The following SMC6 variants were observed in gnomAD, a reference collection of about 807,000 sequenced individuals.
SMC6 encodes structural maintenance of chromosomes 6, also known as structural maintenance of chromosomes protein 6.
SMC6 carries 79 observed loss-of-function variants against 142.2 expected under a neutral mutation model. The observed-to-expected ratio is 0.56, with a 90% confidence interval of 0.46 to 0.67. The LOEUF is 0.67. Ranked by LOEUF, SMC6 falls within the 30% of genes least tolerant of loss-of-function variation. The pLI, the probability that SMC6 is intolerant of heterozygous loss-of-function variation, is 0.00. For synonymous variants in SMC6, 411 were observed against 412.4 expected, an observed-to-expected ratio of 1.00 and a Z score of 0.04; for missense variants, 1,072 against 1,284.0, an observed-to-expected ratio of 0.83 and a Z score of 2.52.
chr2:17,678,578 G>T (rs989694848), intron 25 of SMC6, among the ~76,000 whole-genome samples: 39 of 149,764 alleles, frequency 2.6e-4, no homozygotes, highest in African/African-American at 9.4e-4. Context: ...GACCAGCTTG[G>T]GCAACATAGT....
At chr2:17,714,824 G>T in intron 16 of SMC6, 37 bp downstream of exon 16, 1 of 1,594,454 alleles carries the variant, frequency 6.3e-7, no homozygotes. Flanking sequence ...ATATGATTAA[G>T]CAAAGCCAGA....
rs531426924 is a variant in SMC6, at chr2:17,678,817, A to T, written c.2910+42T>A. 2.8e-4 allele frequency: 381 copies of T among 1,368,690 alleles called. 7 individuals are homozygous for T. The South Asian group carries it at 4.6e-3, about 17-fold the overall frequency. 84.8% of individuals were successfully genotyped at this position (1,368,690 alleles called of 1,614,324 possible). A position where few individuals can be genotyped will look rare whatever the true frequency, so the allele number is the denominator to read the frequency against. Reference sequence around the variant, plus strand: ...AAAATAGAAAAGAAAAGAAACAACTAGTTTTTCTAATGATTAGGATGAAAA... The same window carrying T: ...AAAATAGAAAAGAAAAGAAACAACTTGTTTTTCTAATGATTAGGATGAAAA... On this transcript the variant is annotated intron_variant, in intron 25 of 27. Transcript: ENST00000448223.
At chr2:17,735,563 G>T (rs539073063) in intron 5 of SMC6, among the ~76,000 whole-genome samples, 1 of 152,294 alleles carries the variant, frequency 6.6e-6, no homozygotes, top group East Asian at 1.9e-4. Flanking sequence ...TCAAAAATTA[G>T]ACTACTGCAA....
intron 3 of SMC6, 37 bp from the exon 4 acceptor site, chr2:17,741,766 T>TAATTCACTC (rs1349455310): frequency 7.3e-7 from 1 of 1,371,280 alleles, no homozygotes; most frequent in African/African-American, 1.4e-5. Context: ...ATGGTCAATC[T>TAATTCACTC]AATTCACTCA....
chr2:17,724,806 T>C (rs1226642800), intron 9 of SMC6, among the ~76,000 whole-genome samples: 1 of 152,240 alleles, frequency 6.6e-6, no homozygotes, highest in Admixed American at 6.5e-5. Context: ...ACTAGAGTTA[T>C]AATTACTATG....
chr2:17,736,732 G>A (rs887498294), intron 5 of SMC6, among the ~76,000 whole-genome samples: 6 of 151,614 alleles, frequency 4.0e-5, no homozygotes, highest in Admixed American at 6.6e-5. Context: ...AAATTAGCCA[G>A]GCGTTGTGGC....
chr2:17,748,581 G>A (rs1670866533), intron 2 of SMC6, among the ~76,000 whole-genome samples: 1 of 152,050 alleles, frequency 6.6e-6, no homozygotes, highest in Non-Finnish European at 1.5e-5. Flanking sequence ...TATTTAATAA[G>A]AATCAACATA....
intron 23 of SMC6, among the ~76,000 whole-genome samples, chr2:17,685,242 A>G (rs958330768): frequency 6.6e-6 from 1 of 152,160 alleles, no homozygotes; most frequent in East Asian, 1.9e-4. Context: ...ATTTTAAAGT[A>G]AAATTCAACA....
chr2:17,742,620 T>C (rs1399365217), intron 3 of SMC6, among the ~76,000 whole-genome samples: 3 of 151,962 alleles, frequency 2.0e-5, no homozygotes, highest in Non-Finnish European at 4.4e-5. Context: ...ATTTTAAAGA[T>C]TTCTTTAAAA....
At chr2:17,701,460 T>A (rs1668269459) in intron 20 of SMC6, among the ~76,000 whole-genome samples, 1 of 152,154 alleles carries the variant, frequency 6.6e-6, no homozygotes, top group African/African-American at 2.4e-5. Flanking sequence ...TAAAAGATGA[T>A]CCTGACATCT....
chr2:17,692,986 C>A (rs1283823334), intron 23 of SMC6, among the ~76,000 whole-genome samples: 2 of 152,162 alleles, frequency 1.3e-5, no homozygotes, highest in Non-Finnish European at 2.9e-5. Context: ...CAGAGAAATG[C>A]AAATCAAAAC....
At chr2:17,676,543 A>G (rs976642471) in intron 25 of SMC6, among the ~76,000 whole-genome samples, 12 of 152,082 alleles carry the variant, frequency 7.9e-5, no homozygotes, top group Non-Finnish European at 1.2e-4. Flanking sequence ...TTGCATTTCT[A>G]TATGAATTTT....
intron 3 of SMC6, among the ~76,000 whole-genome samples, chr2:17,745,552 A>G (rs1264306739): frequency 6.6e-6 from 1 of 151,976 alleles, no homozygotes; most frequent in Non-Finnish European, 1.5e-5. Context: ...TTTATTCCCG[A>G]TATTGGTAAT....
chr2:17,708,699 A>C lies in SMC6; in HGVS notation c.1785T>G (p.Asn595Lys). 6.4e-7 allele frequency: 1 copy of C among 1,564,574 alleles called. No homozygotes were observed. The highest frequency in any genetic ancestry group is 2.4e-5 in the East Asian group (1 of 42,400). ...CAATTAGGCTATTTGCCACAACCGC[A>C]TTATCTATTTCTAAAGCTGTCAGAA... ...PTVLTALEID[N>K]AVVANSLIDM... The change falls in exon 17 of 28, where the codon AAT becomes AAG. Residue 595 changes from asparagine (N) to lysine (K), a missense_variant. Transcript: ENST00000448223.
chr2:17,667,686 C>A (rs1260292066), intron 26 of SMC6, among the ~76,000 whole-genome samples: 1 of 151,934 alleles, frequency 6.6e-6, no homozygotes, highest in African/African-American at 2.4e-5. Flanking sequence ...CCAGTCTCTA[C>A]AAAAAATACA....
intron 12 of SMC6, among the ~76,000 whole-genome samples, chr2:17,717,577 AG>A (rs1340450775): frequency 2.0e-5 from 3 of 152,212 alleles, no homozygotes; most frequent in Non-Finnish European, 4.4e-5. Context: ...AGACTGAGGC[AG>A]GAAAATCGCT....
intron 25 of SMC6, among the ~76,000 whole-genome samples, chr2:17,670,896 T>A (rs1666727782): frequency 6.6e-6 from 1 of 152,212 alleles, no homozygotes; most frequent in Non-Finnish European, 1.5e-5. Flanking sequence ...GGTCTCGCTC[T>A]GTTGAACCAG....
At chr2:17,666,557 A>G in intron 26 of SMC6, 40 bp from the exon 27 acceptor site, 5 of 1,468,590 alleles carry the variant, frequency 3.4e-6, no homozygotes, top group Non-Finnish European at 4.8e-6. Flanking sequence ...CTATTGTGTA[A>G]GTCACATTTC....
intron 15 of SMC6, among the ~76,000 whole-genome samples, chr2:17,715,528 T>C (rs796291065): frequency 7.2e-5 from 11 of 152,142 alleles, no homozygotes; most frequent in African/African-American, 2.4e-4. Flanking sequence ...AATACTTAAA[T>C]GCAATACTTT....
Sources: allele counts gnomAD v4.1 joint callset (sites outside exome capture counted in the v4.1 genomes callset), GRCh38; gene constraint gnomAD v4.1.1; transcripts MANE v1.5; gene names NCBI Gene and HGNC (gene_info 2026-07-23, HGNC 2026-07-21).